RBFOX1: variants seen among roughly 807,000 people sequenced by gnomAD.
RBFOX1 encodes the protein RNA binding protein fox-1 homolog 1.
In RBFOX1, 8 loss-of-function variants were observed where a neutral mutation model predicts 57.7. The observed-to-expected ratio is 0.14, with a 90% confidence interval of 0.08 to 0.25. The LOEUF (loss-of-function observed/expected upper bound fraction) is 0.25. Among genes scored for constraint, RBFOX1 ranks in the 10% least tolerant of loss-of-function variants. The pLI is 1.00. For synonymous variants in RBFOX1, 326 were observed against 222.4 expected (o/e 1.47, Z -4.15); for missense variants, 611 against 548.5 (o/e 1.11, Z -1.14).
intron 3 of RBFOX1, among the ~76,000 whole-genome samples, chr16:5,740,694 C>G (rs762107005): frequency 7.2e-5 from 11 of 152,180 alleles, no homozygotes; most frequent in Non-Finnish European, 7.3e-5. Flanking sequence ...CTTCCCATAT[C>G]TCAGTATCAT....
chr16:7,044,476 T>C (rs1323274161), intron 3 of RBFOX1, among the ~76,000 whole-genome samples: 2 of 152,182 alleles, frequency 1.3e-5, no homozygotes, highest in African/African-American at 2.4e-5. Flanking sequence ...ACGGGGAAGA[T>C]GAATCCCTGC....
chr16:6,354,896 T>A (rs2087011005), intron 2 of RBFOX1, among the ~76,000 whole-genome samples: 1 of 152,158 alleles, frequency 6.6e-6, no homozygotes, highest in Admixed American at 6.5e-5. Context: ...GAGGTTACCG[T>A]CATCTTGATA....
intron 3 of RBFOX1, among the ~76,000 whole-genome samples, chr16:6,868,791 A>G (rs1282872478): frequency 1.3e-5 from 2 of 152,076 alleles, no homozygotes; most frequent in African/African-American, 2.4e-5. Flanking sequence ...AAAGATAGGT[A>G]ATAAGGTTGC....
chr16:6,139,656 C>T lies in RBFOX1; in HGVS notation c.-127+119664C>T, dbSNP rs116622549. Among the ~76,000 whole-genome samples the T allele has an allele frequency of 3.9e-3, 591 of 152,318 alleles. 5 individuals are homozygous for T. Among genetic ancestry groups the T allele is most frequent in the African/African-American group, 0.013 (560 of 41,580 alleles). ...GCTTTCTCCTCTCCTCTGTGATTGT[C>T]CATGAATATAGATTGGCTTGGCCAT... On this transcript the variant is annotated intron_variant, in intron 1 of 15. Transcript: ENST00000550418.
chr16:5,308,884 C>A (rs928835803), intron 1 of RBFOX1, among the ~76,000 whole-genome samples: 2 of 152,138 alleles, frequency 1.3e-5, no homozygotes, highest in African/African-American at 4.8e-5. Context: ...CTGAGACCTC[C>A]CTGCTAAATG....
chr16:6,566,492 A>G (rs934408370), intron 2 of RBFOX1, among the ~76,000 whole-genome samples: 2 of 151,946 alleles, frequency 1.3e-5, no homozygotes, highest in African/African-American at 4.8e-5. Flanking sequence ...ATCTACAGAG[A>G]CTTTGTCATT....
chr16:6,001,411 A>G (rs1414427380), intron 4 of RBFOX1, among the ~76,000 whole-genome samples: 1 of 152,216 alleles, frequency 6.6e-6, no homozygotes, highest in Non-Finnish European at 1.5e-5. Context: ...GTAATATTTT[A>G]CAAGTGCCTT....
At chr16:6,094,441 C>A (rs2096219113) in intron 1 of RBFOX1, among the ~76,000 whole-genome samples, 1 of 152,134 alleles carries the variant, frequency 6.6e-6, no homozygotes, top group Non-Finnish European at 1.5e-5. Context: ...CAGAGAAAGG[C>A]AGAATTAATC....
chr16:6,905,619 G>C (rs1487158697), intron 3 of RBFOX1, among the ~76,000 whole-genome samples: 1 of 151,680 alleles, frequency 6.6e-6, no homozygotes, highest in African/African-American at 2.4e-5. Context: ...GTTGGACTTT[G>C]TGTTTATTCC....
At chr16:7,122,615 C>A (rs1399977396) in intron 4 of RBFOX1, among the ~76,000 whole-genome samples, 1 of 152,142 alleles carries the variant, frequency 6.6e-6, no homozygotes, top group Non-Finnish European at 1.5e-5. Context: ...TCCTGTACTG[C>A]TGGTAGGAAC....
At chr16:6,625,208 G>T (rs1290176036) in intron 2 of RBFOX1, among the ~76,000 whole-genome samples, 2 of 150,962 alleles carry the variant, frequency 1.3e-5, no homozygotes, top group African/African-American at 4.9e-5. Context: ...GATAGTGGGG[G>T]AGTGGCACAC....
At chr16:5,622,943 G>A (rs550473643) in intron 3 of RBFOX1, among the ~76,000 whole-genome samples, 25 of 152,288 alleles carry the variant, frequency 1.6e-4, no homozygotes, top group African/African-American at 6.0e-4. Flanking sequence ...CGTTGTATTG[G>A]CTATTACAGG....
chr16:5,325,868 A>C (rs2064555943), intron 1 of RBFOX1, among the ~76,000 whole-genome samples: 1 of 152,314 alleles, frequency 6.6e-6, no homozygotes, highest in South Asian at 2.1e-4. Context: ...TGGCAATTTG[A>C]AATAGAGCTT....
At chr16:6,124,983 G>C (rs938165202) in intron 1 of RBFOX1, among the ~76,000 whole-genome samples, 12 of 152,152 alleles carry the variant, frequency 7.9e-5, no homozygotes, top group African/African-American at 2.7e-4. Context: ...AAGGCTCCAA[G>C]TTGAGCCAAC....
intron 11 of RBFOX1, among the ~76,000 whole-genome samples, chr16:7,643,865 A>G (rs2063269466): frequency 6.6e-6 from 1 of 152,178 alleles, no homozygotes; most frequent in East Asian, 1.9e-4. Context: ...TGGCGGGCAC[A>G]CACACAGACC....
intron 3 of RBFOX1, among the ~76,000 whole-genome samples, chr16:6,840,277 C>A (rs1442565337): frequency 6.6e-6 from 1 of 152,148 alleles, no homozygotes; most frequent in Non-Finnish European, 1.5e-5. Flanking sequence ...ACTGAAAGAC[C>A]TTCCGAAAAA....
At chr16:6,009,062 T>A (rs1165009660) in intron 4 of RBFOX1, among the ~76,000 whole-genome samples, 1 of 152,164 alleles carries the variant, frequency 6.6e-6, no homozygotes, top group Non-Finnish European at 1.5e-5. Flanking sequence ...GCAAGAAAAT[T>A]CTACGTGCTA....
At chr16:7,217,743 TAA>T (rs2092330712) in intron 4 of RBFOX1, among the ~76,000 whole-genome samples, 1 of 152,174 alleles carries the variant, frequency 6.6e-6, no homozygotes, top group African/African-American at 2.4e-5. Flanking sequence ...TTTACATCAG[TAA>T]AGATTGCAAG....
intron 3 of RBFOX1, among the ~76,000 whole-genome samples, chr16:5,648,389 TGTG>T (rs958030306): frequency 2.6e-5 from 4 of 152,168 alleles, no homozygotes; most frequent in Non-Finnish European, 5.9e-5. Flanking sequence ...ACTGCGCAGG[TGTG>T]GTGCACTCTG....
Sources: allele counts gnomAD v4.1 joint callset (sites outside exome capture counted in the v4.1 genomes callset), GRCh38; gene constraint gnomAD v4.1.1; transcripts MANE v1.5; gene names NCBI Gene and HGNC (gene_info 2026-07-23, HGNC 2026-07-21).